SGCD: variants seen among roughly 807,000 people sequenced by gnomAD.
SGCD encodes sarcoglycan delta.
SGCD carries 18 observed loss-of-function variants against 36.6 expected under a neutral mutation model. That is an observed-to-expected ratio of 0.49 (90% confidence interval 0.34 to 0.73). The LOEUF is 0.73. SGCD is among the 30% of genes least tolerant of loss of function. SGCD has a pLI of 0.01. For synonymous variants in SGCD, 133 were observed against 130.6 expected, an observed-to-expected ratio of 1.02 and a Z score of -0.12; for missense variants, 387 against 346.7, an observed-to-expected ratio of 1.12 and a Z score of -0.92.
the SGCD span, among the ~76,000 whole-genome samples, chr5:155,858,102 T>C: frequency 4.6e-5 from 7 of 152,328 alleles, no homozygotes; most frequent in African/African-American, 1.7e-4. Context: ...ATATACAGTG[T>C]AAGTATATAT....
At chr5:156,226,205 A>G (rs1764853198) in intron 3 of SGCD, among the ~76,000 whole-genome samples, 1 of 152,000 alleles carries the variant, frequency 6.6e-6, no homozygotes, top group Non-Finnish European at 1.5e-5. Flanking sequence ...GTAGTCTTTT[A>G]TCCCTCACCC....
At chr5:156,187,377 A>G (rs1295534450) in intron 3 of SGCD, among the ~76,000 whole-genome samples, 1 of 152,068 alleles carries the variant, frequency 6.6e-6, no homozygotes, top group Non-Finnish European at 1.5e-5. Flanking sequence ...GAATTGCTGA[A>G]CAAAGGCAAG....
chr5:156,373,005 A>G (rs1770472654), intron 3 of SGCD, among the ~76,000 whole-genome samples: 1 of 151,972 alleles, frequency 6.6e-6, no homozygotes, highest in Non-Finnish European at 1.5e-5. Context: ...AGAGAAATGT[A>G]GTGATTTGTG....
At chr5:155,979,417 A>G (rs2127561728) in intron 1 of SGCD, among the ~76,000 whole-genome samples, 1 of 152,312 alleles carries the variant, frequency 6.6e-6, no homozygotes, top group Middle Eastern at 3.4e-3. Flanking sequence ...TTCTTGGTTG[A>G]CAGAGATCTA....
At chr5:155,804,083 A>C in the SGCD span, among the ~76,000 whole-genome samples, 2 of 152,200 alleles carry the variant, frequency 1.3e-5, no homozygotes, top group African/African-American at 4.8e-5. Flanking sequence ...AGGTAGTGAG[A>C]ACAGAGGCAG....
At chr5:155,871,674 G>A (rs1470058050) in intron 1 of SGCD, among the ~76,000 whole-genome samples, 1 of 152,148 alleles carries the variant, frequency 6.6e-6, no homozygotes, top group Middle Eastern at 3.2e-3. Flanking sequence ...AGGGGAGACT[G>A]AAAGGAGGAC....
chr5:155,975,552 T>C (rs989428993), intron 1 of SGCD, among the ~76,000 whole-genome samples: 26 of 151,754 alleles, frequency 1.7e-4, no homozygotes, highest in African/African-American at 5.8e-4. Flanking sequence ...GTTGAATTTT[T>C]CTTAAATGCG....
intron 6 of SGCD, among the ~76,000 whole-genome samples, chr5:156,633,507 T>G (rs559233451): frequency 6.6e-6 from 1 of 152,196 alleles, no homozygotes. Context: ...TAGATTTGCC[T>G]GTGTTTGGGT....
At chr5:156,023,777 C>T (rs1204200654) in intron 1 of SGCD, among the ~76,000 whole-genome samples, 1 of 152,212 alleles carries the variant, frequency 6.6e-6, no homozygotes, top group Non-Finnish European at 1.5e-5. Context: ...TGGCTCAATA[C>T]ATCTTCGGCT....
chr5:156,698,426 A>C (rs1754400807), intron 7 of SGCD, among the ~76,000 whole-genome samples: 1 of 152,204 alleles, frequency 6.6e-6, no homozygotes, highest in African/African-American at 2.4e-5. Context: ...TCAGTATCTC[A>C]AGCCCAGCTT....
chr5:155,964,488 A>G (rs571203112), intron 1 of SGCD, among the ~76,000 whole-genome samples: 3 of 151,988 alleles, frequency 2.0e-5, no homozygotes, highest in African/African-American at 7.2e-5. Flanking sequence ...ACAGGCACCC[A>G]CCACCTTGCC....
intron 1 of SGCD, among the ~76,000 whole-genome samples, chr5:155,996,173 A>G (rs1758539887): frequency 1.3e-5 from 2 of 152,024 alleles, no homozygotes; most frequent in African/African-American, 2.4e-5. Context: ...CAGGTTTGTT[A>G]TGTAGCTAAA....
At chr5:156,540,781 T>G (rs1233765411) in intron 4 of SGCD, among the ~76,000 whole-genome samples, 2 of 152,138 alleles carry the variant, frequency 1.3e-5, no homozygotes, top group Non-Finnish European at 2.9e-5. Context: ...ATCAACACAG[T>G]CGTCCTGATT....
chr5:156,204,583 T>G (rs1764228513), intron 3 of SGCD, among the ~76,000 whole-genome samples: 1 of 152,062 alleles, frequency 6.6e-6, no homozygotes, highest in African/African-American at 2.4e-5. Flanking sequence ...CATATACGTG[T>G]CAGCGTATGG....
At chr5:156,397,437 G>A (rs766856072) in intron 3 of SGCD, among the ~76,000 whole-genome samples, 63 of 152,262 alleles carry the variant, frequency 4.1e-4, no homozygotes, top group Admixed American at 3.9e-4. Context: ...TTGACCCACA[G>A]GCTCTGGCTA....
At chr5:156,235,094 T>C (rs908275856) in intron 3 of SGCD, among the ~76,000 whole-genome samples, 1 of 152,234 alleles carries the variant, frequency 6.6e-6, no homozygotes, top group African/African-American at 2.4e-5. Context: ...TAATGTATGC[T>C]TTCCCCCTTC....
the SGCD span, among the ~76,000 whole-genome samples, chr5:155,834,825 G>T: frequency 3.6e-3 from 537 of 150,302 alleles, 5 homozygotes; most frequent in African/African-American, 0.011. Flanking sequence ...TGAAACCATT[G>T]AATGTAATCT....
intron 1 of SGCD, among the ~76,000 whole-genome samples, chr5:155,905,841 G>A (rs575787283): frequency 5.9e-5 from 9 of 152,162 alleles, no homozygotes; most frequent in South Asian, 2.1e-4. Flanking sequence ...TTCACCTCCT[G>A]CCATGATTCT....
intron 3 of SGCD, among the ~76,000 whole-genome samples, chr5:156,461,419 T>C (rs1160520239): frequency 6.6e-6 from 1 of 152,064 alleles, no homozygotes; most frequent in Non-Finnish European, 1.5e-5. Flanking sequence ...GAGGAGAACT[T>C]TATTACTATG....
Sources: gnomAD v4.1 joint callset for allele counts (sites outside exome capture counted in the v4.1 genomes callset) on GRCh38, gnomAD v4.1.1 for gene constraint, MANE v1.5 for transcripts, NCBI Gene and HGNC (gene_info 2026-07-23, HGNC 2026-07-21) for gene names.